Variants in FRMD6 observed in about 807,000 individuals in gnomAD.
FRMD6 encodes the protein FERM domain containing 6.
FRMD6 carries 37 observed loss-of-function variants against 73.2 expected under a neutral mutation model. The ratio of observed to expected loss-of-function variants is 0.51; its 90% confidence interval spans 0.39 to 0.66. The LOEUF is 0.66. Ranked by LOEUF, FRMD6 falls within the 30% of genes least tolerant of loss-of-function variation. The pLI is 0.00. For synonymous variants in FRMD6, 273 were observed against 282.2 expected (o/e 0.97, Z 0.33); for missense variants, 714 against 780.5 (o/e 0.91, Z 1.02).
chr14:51,459,583 T>A, the FRMD6 span, among the ~76,000 whole-genome samples: 1 of 152,020 alleles, frequency 6.6e-6, no homozygotes, highest in East Asian at 1.9e-4. Flanking sequence ...ATCCCAGCAC[T>A]TTGAGAGGCC....
At chr14:51,620,005 G>A (rs547070506) in intron 2 of FRMD6, among the ~76,000 whole-genome samples, 16 of 152,250 alleles carry the variant, frequency 1.1e-4, no homozygotes, top group Non-Finnish European at 1.9e-4. Context: ...AGCAAATAGC[G>A]GTGAGATAGG....
intron 2 of FRMD6, among the ~76,000 whole-genome samples, chr14:51,592,052 A>C (rs908652774): frequency 1.3e-5 from 2 of 152,220 alleles, no homozygotes; most frequent in Non-Finnish European, 2.9e-5. Flanking sequence ...GAAAAAAGTT[A>C]CCATTACAAA....
the FRMD6 span, chr14:51,454,635 G>A: frequency 6.6e-6 from 1 of 152,216 alleles, no homozygotes; most frequent in Non-Finnish European, 1.5e-5. Flanking sequence ...TCTTCCAGCA[G>A]TCTGGTGTCA....
chr14:51,524,418 T>C (rs1885119921), intron 1 of FRMD6, among the ~76,000 whole-genome samples: 1 of 152,126 alleles, frequency 6.6e-6, no homozygotes, highest in Non-Finnish European at 1.5e-5. Flanking sequence ...ATGACCTTAG[T>C]AGGTGTTTTG....
chr14:51,569,376 G>A (rs775971279), intron 1 of FRMD6, among the ~76,000 whole-genome samples: 19 of 152,018 alleles, frequency 1.2e-4, no homozygotes, highest in Non-Finnish European at 2.5e-4. Context: ...TAAAAATAGT[G>A]CCTTAACTTA....
At chr14:51,684,417 T>G (rs1026766726) in intron 1 of FRMD6, among the ~76,000 whole-genome samples, 1 of 152,192 alleles carries the variant, frequency 6.6e-6, no homozygotes, top group Non-Finnish European at 1.5e-5. Flanking sequence ...AAAATTGTCT[T>G]TAAAGTTCAA....
chr14:51,524,501 G>A (rs1430214996), intron 1 of FRMD6, among the ~76,000 whole-genome samples: 3 of 150,714 alleles, frequency 2.0e-5, no homozygotes, highest in Non-Finnish European at 4.4e-5. Flanking sequence ...TGGATTTGCT[G>A]TTCTTTCATA....
At chr14:51,704,711 C>T (rs1182706501) in intron 5 of FRMD6, 38 bp from the exon 6 acceptor site, 1 of 1,539,022 alleles carries the variant, frequency 6.5e-7, no homozygotes, top group African/African-American at 1.4e-5. Context: ...TGGATTATTC[C>T]ATCAAAATGT....
the FRMD6 span, among the ~76,000 whole-genome samples, chr14:51,430,739 CA>C: frequency 2.6e-5 from 4 of 152,188 alleles, no homozygotes; most frequent in African/African-American, 9.7e-5. Context: ...ACATGAACTG[CA>C]TGGTGTTTGC....
chr14:51,426,679 G>C, the FRMD6 span, among the ~76,000 whole-genome samples: 3 of 152,168 alleles, frequency 2.0e-5, no homozygotes, highest in Non-Finnish European at 4.4e-5. Context: ...CCGTGAGATG[G>C]GGGGAGTGGA....
the FRMD6 span, among the ~76,000 whole-genome samples, chr14:51,432,346 T>A: frequency 6.6e-6 from 1 of 152,122 alleles, no homozygotes; most frequent in Non-Finnish European, 1.5e-5. Context: ...TTTTTTTTCC[T>A]CTGAAGAGCT....
At chr14:51,695,814 C>T (rs1403255344) in intron 2 of FRMD6, among the ~76,000 whole-genome samples, 3 of 152,050 alleles carry the variant, frequency 2.0e-5, no homozygotes, top group Admixed American at 6.6e-5. Context: ...AGGTTGGTTG[C>T]TATTTAATAA....
chr14:51,500,347 T>C (rs1373532597), intron 1 of FRMD6, among the ~76,000 whole-genome samples: 2 of 152,086 alleles, frequency 1.3e-5, no homozygotes, highest in Non-Finnish European at 2.9e-5. Flanking sequence ...ACCTACATGG[T>C]GAAACCCTGT....
intron 2 of FRMD6, among the ~76,000 whole-genome samples, chr14:51,645,014 C>G (rs1033528751): frequency 6.6e-6 from 1 of 152,154 alleles, no homozygotes; most frequent in Non-Finnish European, 1.5e-5. Flanking sequence ...AATTCAATCT[C>G]CATGATCTAA....
At chr14:51,564,518 G>C (rs1566816807) in intron 1 of FRMD6, among the ~76,000 whole-genome samples, 1 of 152,176 alleles carries the variant, frequency 6.6e-6, no homozygotes, top group African/African-American at 2.4e-5. Context: ...TTTTGAGCAG[G>C]CAGCTCCGGG....
At chr14:51,565,089 C>T (rs1350041438) in intron 1 of FRMD6, 1 of 152,208 alleles carries the variant, frequency 6.6e-6, no homozygotes, top group Non-Finnish European at 1.5e-5. Flanking sequence ...AAAACCCAGA[C>T]CGGGTTTGGC....
At chr14:51,623,518 A>G (rs563952625) in intron 2 of FRMD6, among the ~76,000 whole-genome samples, 1 of 152,338 alleles carries the variant, frequency 6.6e-6, no homozygotes, top group South Asian at 2.1e-4. Context: ...AAGGACACAC[A>G]GATTTTCTCA....
chr14:51,536,666 C>T (rs549630881), intron 1 of FRMD6, among the ~76,000 whole-genome samples: 8 of 152,272 alleles, frequency 5.3e-5, no homozygotes, highest in African/African-American at 4.8e-5. Context: ...ATCTGCCCGC[C>T]TTGGCCTCCC....
upstream of FRMD6, among the ~76,000 whole-genome samples, chr14:51,484,263 GC>G (rs934809189): frequency 1.3e-5 from 2 of 152,186 alleles, no homozygotes; most frequent in African/African-American, 4.8e-5. Context: ...TGCCAGGGAA[GC>G]CACCTCTGTT....
Sources: allele counts gnomAD v4.1 joint callset (sites outside exome capture counted in the v4.1 genomes callset), GRCh38; gene constraint gnomAD v4.1.1; transcripts MANE v1.5; gene names NCBI Gene and HGNC (gene_info 2026-07-23, HGNC 2026-07-21).